Variants in NCAM2 observed in about 807,000 individuals in gnomAD.
The protein encoded by NCAM2 is neural cell adhesion molecule 2.
In NCAM2, 30 loss-of-function variants were observed where a neutral mutation model predicts 98.1. The ratio of observed to expected loss-of-function variants is 0.31; its 90% CI spans 0.23 to 0.41. The LOEUF is 0.41. Ranked by LOEUF, NCAM2 falls within the 10% of genes least tolerant of loss-of-function variation. NCAM2 has a pLI of 1.00. For synonymous variants in NCAM2, 368 were observed against 342.4 expected (o/e 1.07, Z -0.83); for missense variants, 867 against 1,005.8 (o/e 0.86, Z 1.87).
chr21:21,418,015 TA>T (rs1414738582), intron 10 of NCAM2, among the ~76,000 whole-genome samples: 1 of 151,948 alleles, frequency 6.6e-6, no homozygotes, highest in Non-Finnish European at 1.5e-5. Context: ...GGCCAAAACA[TA>T]AAAAACAGTT....
intron 12 of NCAM2, among the ~76,000 whole-genome samples, chr21:21,441,433 C>G (rs532928745): frequency 2.0e-5 from 3 of 152,066 alleles, no homozygotes; most frequent in African/African-American, 7.2e-5. Flanking sequence ...ACTAAATATT[C>G]TCCAACAAAT....
At chr21:21,293,711 C>T (rs898827450) in intron 5 of NCAM2, among the ~76,000 whole-genome samples, 44 of 151,590 alleles carry the variant, frequency 2.9e-4, no homozygotes, top group African/African-American at 9.9e-4. Flanking sequence ...TTATTGTATA[C>T]AATAAACAAG....
At chr21:21,154,354 T>C (rs944185671) in intron 1 of NCAM2, among the ~76,000 whole-genome samples, 1 of 151,922 alleles carries the variant, frequency 6.6e-6, no homozygotes, top group African/African-American at 2.4e-5. Context: ...AAATATGTTT[T>C]GGAAGCATTT....
chr21:21,329,519 G>T (rs1568940034), intron 6 of NCAM2, among the ~76,000 whole-genome samples: 2 of 152,148 alleles, frequency 1.3e-5, no homozygotes, highest in Admixed American at 6.6e-5. Flanking sequence ...TACCCCTGTG[G>T]TTAGGCAATG....
chr21:21,524,052 A>G (rs548855729), intron 16 of NCAM2, among the ~76,000 whole-genome samples: 24 of 152,140 alleles, frequency 1.6e-4, no homozygotes, highest in African/African-American at 5.3e-4. Flanking sequence ...ACACACACAC[A>G]CACACACAAT....
chr21:21,425,832 A>T (rs559132232), intron 11 of NCAM2, among the ~76,000 whole-genome samples: 1 of 152,206 alleles, frequency 6.6e-6, no homozygotes, highest in African/African-American at 2.4e-5. Context: ...CAGGTTGGCT[A>T]TATAATATTA....
intron 1 of NCAM2, among the ~76,000 whole-genome samples, chr21:21,277,137 G>A (rs7278213): frequency 1.3e-5 from 2 of 152,002 alleles, no homozygotes; most frequent in Non-Finnish European, 2.9e-5. Context: ...TTAGATTCCT[G>A]ATATCCTTAA....
chr21:21,240,735 T>G (rs2147235866), intron 1 of NCAM2, among the ~76,000 whole-genome samples: 1 of 152,326 alleles, frequency 6.6e-6, no homozygotes, highest in South Asian at 2.1e-4. Context: ...CCTTGTCCCT[T>G]AAAATGACAC....
At chr21:21,457,241 G>C (rs57367470) in intron 12 of NCAM2, among the ~76,000 whole-genome samples, 21,950 of 152,164 alleles carry the variant, frequency 0.14, 1,592 homozygotes, top group African/African-American at 0.16. Context: ...TCTTTGTGAA[G>C]AGAATTCTGT....
At chr21:21,216,234 T>C (rs2069894489) in intron 1 of NCAM2, among the ~76,000 whole-genome samples, 1 of 152,138 alleles carries the variant, frequency 6.6e-6, no homozygotes, top group Admixed American at 6.6e-5. Flanking sequence ...ACGAGGAGTC[T>C]CTAACATCTG....
chr21:21,410,398 CT>C lies in NCAM2; in HGVS notation c.1322del (p.Leu441TyrfsTer9). On this transcript the variant is annotated frameshift_variant, in exon 10 of 18. Coordinates refer to ENST00000400546, the MANE Select transcript of NCAM2 (RefSeq NM_004540.5). LOFTEE classifies it high-confidence loss of function. ...TTCACTGGAGAAGAGATAAATTAGTCTTACCTGCTAAAAACACGACCAATTT... is the reference window on the plus strand; with the variant it reads ...TTCACTGGAGAAGAGATAAATTAGTCTACCTGCTAAAAACACGACCAATTT... ...SIHWRRDKLV[L>X]PAKNTTNLKT... 1 of 1,600,894 alleles carries C rather than the reference CT, an allele frequency of 6.2e-7. No individual in the cohort carries two copies. The highest frequency in any genetic ancestry group is 8.5e-7 in the Non-Finnish European group (1 of 1,173,056).
At position 21,426,601 on chromosome 21, in the gene NCAM2, C is replaced by T. The variant is rs533558607; in HGVS notation, c.1481-5507C>T. ...GACTAACTAGAGGTCAGGAAGCCCT[C>T]CTGCCAAGTTACCCCTCAGCTAATA... On this transcript the variant is annotated intron_variant, in intron 11 of 17. Transcript: ENST00000400546. 2.0e-5 allele frequency among the ~76,000 whole-genome samples: 3 copies of T among 152,294 alleles called. No individual in the cohort carries two copies. In the South Asian group the frequency reaches 6.2e-4, roughly 32 times the overall value.
intron 1 of NCAM2, among the ~76,000 whole-genome samples, chr21:21,268,361 G>A (rs1396441082): frequency 1.3e-5 from 2 of 152,074 alleles, no homozygotes; most frequent in Non-Finnish European, 2.9e-5. Context: ...CCACACAGGA[G>A]CCAAGAATTA....
chr21:21,253,585 C>T (rs1393051376), intron 1 of NCAM2, among the ~76,000 whole-genome samples: 2 of 152,064 alleles, frequency 1.3e-5, no homozygotes, highest in Non-Finnish European at 2.9e-5. Flanking sequence ...ATCTGGAATA[C>T]CTGAATCTTT....
At chr21:21,486,803 A>G (rs1457173316) in intron 15 of NCAM2, among the ~76,000 whole-genome samples, 2 of 152,198 alleles carry the variant, frequency 1.3e-5, no homozygotes, top group East Asian at 1.9e-4. Flanking sequence ...ATACACAGAA[A>G]TAAGATACAT....
chr21:21,163,862 A>AT (rs1175488755), intron 1 of NCAM2, among the ~76,000 whole-genome samples: 4 of 152,086 alleles, frequency 2.6e-5, no homozygotes, highest in Non-Finnish European at 2.9e-5. Flanking sequence ...ATACAATGCT[A>AT]TTTTTTTACT....
chr21:21,048,795 C>A (rs1438358907), intron 1 of NCAM2, among the ~76,000 whole-genome samples: 1 of 152,118 alleles, frequency 6.6e-6, no homozygotes, highest in Non-Finnish European at 1.5e-5. Context: ...ATATTTGGCT[C>A]AGAATAAATC....
At chr21:21,273,107 G>A (rs1206541500) in intron 1 of NCAM2, among the ~76,000 whole-genome samples, 1 of 152,080 alleles carries the variant, frequency 6.6e-6, no homozygotes, top group Non-Finnish European at 1.5e-5. Context: ...CAAACAAATG[G>A]CTGGATTCAA....
At chr21:21,455,931 A>T (rs1323696568) in intron 12 of NCAM2, among the ~76,000 whole-genome samples, 1 of 152,068 alleles carries the variant, frequency 6.6e-6, no homozygotes, top group African/African-American at 2.4e-5. Context: ...TAGCAAAGAC[A>T]AATTTTAAAT....
Sources: gnomAD v4.1 joint callset for allele counts (sites outside exome capture counted in the v4.1 genomes callset) on GRCh38, gnomAD v4.1.1 for gene constraint, MANE v1.5 for transcripts, NCBI Gene and HGNC (gene_info 2026-07-23, HGNC 2026-07-21) for gene names.